The following LDB2 variants were observed in gnomAD, a reference collection of about 807,000 sequenced individuals.
LDB2 encodes the protein LIM domain-binding protein 2.
A neutral mutation model predicts 44.3 loss-of-function variants in LDB2; 12 were observed. The ratio of observed to expected loss-of-function variants is 0.27; its 90% CI spans 0.17 to 0.44. LDB2 has a LOEUF of 0.44. Among genes scored for constraint, LDB2 ranks in the 20% least tolerant of loss-of-function variants. The pLI is 1.00. For missense variants in LDB2, 344 were observed against 473.5 expected, an observed-to-expected ratio of 0.73 and a Z score of 2.54; for synonymous variants, 164 against 174.8, an observed-to-expected ratio of 0.94 and a Z score of 0.49.
chr4:16,702,858 G>A (rs1032179407), intron 2 of LDB2, among the ~76,000 whole-genome samples: 1 of 152,116 alleles, frequency 6.6e-6, no homozygotes. Flanking sequence ...TTCCCACTCT[G>A]CCATATTGAA....
rs1213111156 is a variant in LDB2, at chr4:16,586,507, C to CA, written c.532-503dup. Among the ~76,000 whole-genome samples, 69 of 76,916 alleles carry CA rather than the reference C, an allele frequency of 9.0e-4. 3 individuals carry two copies. In the South Asian group the frequency reaches 0.027, roughly 30 times the overall value. The allele number at this position is 76,916 out of a possible 152,430, so 50.5% of individuals were successfully genotyped here. On this transcript the variant is annotated intron_variant, in intron 4 of 7. Coordinates refer to ENST00000304523, the MANE Select transcript of LDB2 (RefSeq NM_001290.5). Reference sequence around the variant, plus strand: ...TGAAATACACACACACACACACACACACACACACACACACACACAAAACAC... The same window carrying CA: ...TGAAATACACACACACACACACACACAACACACACACACACACACAAAACAC...
At chr4:16,753,820 A>C (rs908311480) in intron 2 of LDB2, among the ~76,000 whole-genome samples, 4 of 152,194 alleles carry the variant, frequency 2.6e-5, no homozygotes, top group Admixed American at 2.0e-4. Context: ...AAGGTTAATG[A>C]AAATTTTATC....
At chr4:16,565,414 T>C (rs933839437) in intron 5 of LDB2, among the ~76,000 whole-genome samples, 1 of 152,086 alleles carries the variant, frequency 6.6e-6, no homozygotes, top group Non-Finnish European at 1.5e-5. Context: ...ACATCAGAGA[T>C]ACATTTGATA....
intron 5 of LDB2, among the ~76,000 whole-genome samples, chr4:16,536,829 A>G (rs927036499): frequency 6.6e-6 from 1 of 152,154 alleles, no homozygotes; most frequent in Non-Finnish European, 1.5e-5. Context: ...TGTTAATCCC[A>G]TTTCTCTATT....
At chr4:16,544,261 C>T (rs980922932) in intron 5 of LDB2, among the ~76,000 whole-genome samples, 4 of 152,132 alleles carry the variant, frequency 2.6e-5, no homozygotes, top group African/African-American at 9.7e-5. Flanking sequence ...AGGGGAAAAG[C>T]AGCCGAGGAT....
chr4:16,839,207 A>AAGG (rs1785423904), intron 1 of LDB2, among the ~76,000 whole-genome samples: 1 of 151,870 alleles, frequency 6.6e-6, no homozygotes, highest in Non-Finnish European at 1.5e-5. Flanking sequence ...ATTTATAAAG[A>AAGG]AGGTTTACTT....
At chr4:16,860,812 A>G (rs1712281660) in intron 1 of LDB2, among the ~76,000 whole-genome samples, 1 of 152,218 alleles carries the variant, frequency 6.6e-6, no homozygotes, top group Admixed American at 6.5e-5. Flanking sequence ...TGTATTTTAT[A>G]TCCAGCAATA....
chr4:16,602,326 A>G (rs1392449343), intron 2 of LDB2, among the ~76,000 whole-genome samples: 1 of 152,222 alleles, frequency 6.6e-6, no homozygotes, highest in African/African-American at 2.4e-5. Flanking sequence ...AGCCGTGCGA[A>G]GATCTGGAAT....
At chr4:16,851,820 A>G (rs1788313498) in intron 1 of LDB2, among the ~76,000 whole-genome samples, 1 of 152,218 alleles carries the variant, frequency 6.6e-6, no homozygotes. Flanking sequence ...AAGGCAGGAG[A>G]GAAATCAAGC....
chr4:16,519,095 C>G (rs1409530140), intron 5 of LDB2, among the ~76,000 whole-genome samples: 2 of 152,152 alleles, frequency 1.3e-5, no homozygotes, highest in African/African-American at 4.8e-5. Flanking sequence ...GCCTCGTTCA[C>G]CTCTTATCTA....
intron 2 of LDB2, among the ~76,000 whole-genome samples, chr4:16,754,361 A>T (rs1766072556): frequency 6.6e-6 from 1 of 152,202 alleles, no homozygotes; most frequent in South Asian, 2.1e-4. Context: ...TGTTCACTTG[A>T]TAAGTCCTGC....
intron 1 of LDB2, among the ~76,000 whole-genome samples, chr4:16,872,139 C>CT (rs945386973): frequency 1.3e-4 from 19 of 150,806 alleles, no homozygotes; most frequent in South Asian, 4.2e-4. Context: ...TATACACGCT[C>CT]TTTTTTTTTA....
chr4:16,599,609 G>C (rs937004304), intron 2 of LDB2, among the ~76,000 whole-genome samples: 7 of 152,062 alleles, frequency 4.6e-5, no homozygotes, highest in Non-Finnish European at 1.0e-4. Context: ...AAGAGCTTCT[G>C]TTCTACAAGG....
intron 4 of LDB2, among the ~76,000 whole-genome samples, chr4:16,586,544 CACACACATAT>C (rs1560554827): frequency 4.8e-4 from 65 of 136,130 alleles, no homozygotes; most frequent in African/African-American, 1.4e-3. Context: ...CACACACACA[CACACACATAT>C]ATATGGAGAG....
At chr4:16,598,913 C>T (rs1721817272) in intron 2 of LDB2, among the ~76,000 whole-genome samples, 1 of 143,528 alleles carries the variant, frequency 7.0e-6, no homozygotes, top group East Asian at 2.1e-4. Flanking sequence ...CAAGCTAGTT[C>T]GTGTTAGATT....
At chr4:16,791,859 C>G (rs1775832167) in intron 1 of LDB2, among the ~76,000 whole-genome samples, 1 of 152,188 alleles carries the variant, frequency 6.6e-6, no homozygotes, top group Non-Finnish European at 1.5e-5. Flanking sequence ...AACTTCTGTA[C>G]ATTCATTTCA....
intron 1 of LDB2, among the ~76,000 whole-genome samples, chr4:16,885,625 C>A (rs1056120061): frequency 1.3e-5 from 2 of 152,186 alleles, no homozygotes; most frequent in Non-Finnish European, 2.9e-5. Context: ...GGTTCTAGAT[C>A]AACACTAACC....
intron 1 of LDB2, among the ~76,000 whole-genome samples, chr4:16,835,988 T>C (rs1011599694): frequency 6.6e-6 from 1 of 152,236 alleles, no homozygotes; most frequent in Non-Finnish European, 1.5e-5. Context: ...TAGTATTTGC[T>C]AATTTCTTTG....
chr4:16,676,666 T>C (rs1354067059), intron 2 of LDB2, among the ~76,000 whole-genome samples: 1 of 152,194 alleles, frequency 6.6e-6, no homozygotes, highest in Non-Finnish European at 1.5e-5. Flanking sequence ...AAAAGTATAG[T>C]CCAAATGAGA....
Sources: allele counts gnomAD v4.1 joint callset (sites outside exome capture counted in the v4.1 genomes callset), GRCh38; gene constraint gnomAD v4.1.1; transcripts MANE v1.5; gene names NCBI Gene and HGNC (gene_info 2026-07-23, HGNC 2026-07-21).